Variants in AXDND1 observed in about 807,000 individuals in gnomAD.
The protein encoded by AXDND1 is axonemal dynein light chain domain-containing protein 1.
AXDND1 carries 110 observed loss-of-function variants against 137.5 expected under a neutral mutation model. The observed-to-expected ratio is 0.80, with a 90% CI of 0.69 to 0.94. The LOEUF (loss-of-function observed/expected upper bound fraction) is 0.94, where lower values mean the gene tolerates loss of function less well. Among genes scored for constraint, AXDND1 ranks in the 40% least tolerant of loss-of-function variants. The pLI, the probability that AXDND1 is intolerant of heterozygous loss-of-function variation, is 0.00. For synonymous variants in AXDND1, 414 were observed against 399.7 expected (o/e 1.04, Z -0.43); for missense variants, 1,191 against 1,169.8 (o/e 1.02, Z -0.26).
intron 23 of AXDND1, 28 bp from the exon 24 acceptor site, chr1:179,533,767 C>T: frequency 1.3e-6 from 2 of 1,506,546 alleles, no homozygotes; most frequent in Non-Finnish European, 1.8e-6. Context: ...ACTGTCAGTT[C>T]ATTCATATCT....
At chr1:179,481,266 GA>G (rs1316338340) in intron 17 of AXDND1, among the ~76,000 whole-genome samples, 2 of 152,086 alleles carry the variant, frequency 1.3e-5, no homozygotes, top group African/African-American at 4.8e-5. Flanking sequence ...AGTTTGCTGA[GA>G]ATGATGGTTT....
intron 17 of AXDND1, 138 bp downstream of exon 17, chr1:179,468,779 C>A: frequency 1.6e-6 from 1 of 615,282 alleles, no homozygotes. Flanking sequence ...GTAACCATTA[C>A]CGGTCAATTT....
chr1:179,394,157 C>T (rs539683895), intron 10 of AXDND1, 114 bp downstream of exon 10: 4 of 1,101,826 alleles, frequency 3.6e-6, no homozygotes, highest in South Asian at 4.1e-5. Flanking sequence ...CTTCTGTTTC[C>T]TTTTCATGTT....
At chr1:179,538,912 CTTG>C (rs1383307130) in intron 25 of AXDND1, among the ~76,000 whole-genome samples, 5 of 151,360 alleles carry the variant, frequency 3.3e-5, no homozygotes, top group Non-Finnish European at 5.9e-5. Context: ...AGAGTTAGCT[CTTG>C]TTGTTGCATT....
chr1:179,369,207 A>G (rs1358449542), intron 3 of AXDND1, among the ~76,000 whole-genome samples: 2 of 152,062 alleles, frequency 1.3e-5, no homozygotes, highest in East Asian at 3.9e-4. Flanking sequence ...CTTCCTGAGT[A>G]GCTGGGACTA....
chr1:179,408,976 T>C lies in AXDND1; in HGVS notation c.1110-2170T>C, dbSNP rs1260786294. Among the ~76,000 whole-genome samples the C allele has an allele frequency of 8.0e-3, 1,181 of 148,308 alleles. 11 individuals carry two copies. Among genetic ancestry groups the C allele is most frequent in the African/African-American group, 0.024 (982 of 40,664 alleles). ...GTTTTCTTTTTTTCTTTCTTTTTTT[T>C]TTTTTTTTTTTTTGCCAAAAATGAC... On this transcript the variant is annotated intron_variant, in intron 11 of 25. Coordinates refer to ENST00000367618, the MANE Select transcript of AXDND1 (RefSeq NM_144696.6).
intron 18 of AXDND1, among the ~76,000 whole-genome samples, chr1:179,490,035 C>T (rs571750408): frequency 2.6e-5 from 4 of 152,290 alleles, no homozygotes; most frequent in Non-Finnish European, 4.4e-5. Context: ...TGAGCCACCG[C>T]GCCCGGCCTA....
chr1:179,432,431 T>C (rs1001639677), intron 15 of AXDND1, 89 bp downstream of exon 15: 15 of 504,130 alleles, frequency 3.0e-5, no homozygotes, highest in African/African-American at 1.7e-4. Context: ...ATCCCATCCT[T>C]TTTTTTTTTT....
rs756824102 is a variant in AXDND1, at chr1:179,488,631, TCTC to T, written c.2092-2904_2092-2902del. On this transcript the variant is annotated intron_variant, in intron 18 of 25. Coordinates refer to ENST00000367618, the MANE Select transcript of AXDND1 (RefSeq NM_144696.6). ...TTCTTTCTTTCTTTCTCTCTCTCTCTCTCCTTTCTTTCTTTCTTTCTTTCTTTC... is the reference window on the plus strand; with the variant it reads ...TTCTTTCTTTCTTTCTCTCTCTCTCTCTTTCTTTCTTTCTTTCTTTCTTTC... Among the ~76,000 whole-genome samples, 393 of 67,118 alleles carry T rather than the reference TCTC, an allele frequency of 5.9e-3. 34 individuals carry two copies. The highest frequency in any genetic ancestry group is 0.017 in the East Asian group (20 of 1,158). 44.0% of individuals were successfully genotyped at this position (67,118 alleles called of 152,430 possible).
At chr1:179,410,605 C>T (rs571877951) in intron 11 of AXDND1, among the ~76,000 whole-genome samples, 5 of 152,238 alleles carry the variant, frequency 3.3e-5, no homozygotes, top group African/African-American at 9.6e-5. Context: ...CATAAAGAAA[C>T]AATAGTTAAG....
chr1:179,402,271 A>G (rs764082587), intron 11 of AXDND1, among the ~76,000 whole-genome samples: 1 of 152,000 alleles, frequency 6.6e-6, no homozygotes, highest in Non-Finnish European at 1.5e-5. Flanking sequence ...CCTACTCTAT[A>G]TACTACTTTT....
intron 25 of AXDND1, among the ~76,000 whole-genome samples, chr1:179,553,687 G>A (rs1490489287): frequency 1.3e-5 from 2 of 152,102 alleles, no homozygotes; most frequent in Non-Finnish European, 2.9e-5. Flanking sequence ...AGTAATGGAT[G>A]TACCCCTTAG....
chr1:179,414,646 C>T (rs11811695), intron 12 of AXDND1, among the ~76,000 whole-genome samples: 52,968 of 151,830 alleles, frequency 0.35, 9,425 homozygotes, highest in Admixed American at 0.43. Flanking sequence ...AGGATGGTCT[C>T]GATCTCCTGA....
intron 17 of AXDND1, among the ~76,000 whole-genome samples, chr1:179,479,466 A>C: frequency 1.1e-5 from 1 of 91,714 alleles, no homozygotes; most frequent in African/African-American, 4.6e-5. Context: ...CAAGAGCGAA[A>C]CTCTGTCTCA....
chr1:179,540,884 C>G (rs888426641), intron 25 of AXDND1, among the ~76,000 whole-genome samples: 1 of 152,192 alleles, frequency 6.6e-6, no homozygotes, highest in Non-Finnish European at 1.5e-5. Flanking sequence ...TATGCCCTGC[C>G]CACAGAGGTG....
At chr1:179,545,640 T>C (rs1434653653) in intron 25 of AXDND1, 2 of 152,192 alleles carry the variant, frequency 1.3e-5, no homozygotes, top group African/African-American at 4.8e-5. Flanking sequence ...TGGGGACTTT[T>C]TGTGGGGTTG....
chr1:179,416,980 C>T (rs1009712751), intron 12 of AXDND1, among the ~76,000 whole-genome samples: 4 of 152,186 alleles, frequency 2.6e-5, no homozygotes, highest in African/African-American at 9.7e-5. Context: ...TCTCCTTTCT[C>T]CACATCTTTG....
At chr1:179,513,055 C>G (rs1669202779) in intron 21 of AXDND1, among the ~76,000 whole-genome samples, 1 of 152,086 alleles carries the variant, frequency 6.6e-6, no homozygotes, top group Admixed American at 6.6e-5. Flanking sequence ...CCTTTATTTC[C>G]TTCTCTTGTC....
intron 9 of AXDND1, among the ~76,000 whole-genome samples, chr1:179,391,350 A>G (rs1375960533): frequency 1.3e-5 from 2 of 151,710 alleles, no homozygotes; most frequent in East Asian, 3.9e-4. Flanking sequence ...TACTCGTGGT[A>G]TGGTTTGGCT....
Sources: gnomAD v4.1 joint callset for allele counts (sites outside exome capture counted in the v4.1 genomes callset) on GRCh38, gnomAD v4.1.1 for gene constraint, MANE v1.5 for transcripts, NCBI Gene and HGNC (gene_info 2026-07-23, HGNC 2026-07-21) for gene names.